OPRM1: variants seen among roughly 807,000 people sequenced by gnomAD.
OPRM1 encodes mu-type opioid receptor.
OPRM1 carries 27 observed loss-of-function variants against 31.8 expected under a neutral mutation model. The observed-to-expected ratio is 0.85, with a 90% CI of 0.63 to 1.17. The LOEUF (loss-of-function observed/expected upper bound fraction) is 1.17, where lower values mean the gene tolerates loss of function less well. Ranked by LOEUF, OPRM1 falls within the 50% of genes most tolerant of loss-of-function variation. The pLI is 0.00. For missense variants in OPRM1, 536 were observed against 511.1 expected (o/e 1.05, Z -0.47); for synonymous variants, 196 against 189.9 (o/e 1.03, Z -0.26).
At chr6:154,174,698 C>T (rs1800161127) in intron 3 of OPRM1, among the ~76,000 whole-genome samples, 1 of 152,166 alleles carries the variant, frequency 6.6e-6, no homozygotes, top group Admixed American at 6.5e-5. Flanking sequence ...TACAAAGAGA[C>T]TTAGACTCTC....
At chr6:154,089,291 A>T (rs1169583211) in intron 1 of OPRM1, among the ~76,000 whole-genome samples, 1 of 152,164 alleles carries the variant, frequency 6.6e-6, no homozygotes, top group African/African-American at 2.4e-5. Context: ...TACAAAAAAA[A>T]AAATTAAAAC....
intron 1 of OPRM1, among the ~76,000 whole-genome samples, chr6:154,075,715 AGCATTTCGAGT>A (rs1259252785): frequency 6.6e-6 from 1 of 152,134 alleles, no homozygotes; most frequent in Non-Finnish European, 1.5e-5. Context: ...GCCTAAAATA[AGCATTTCGAGT>A]GCTCCTATGC....
At chr6:154,069,857 C>T (rs1786268884) in intron 1 of OPRM1, among the ~76,000 whole-genome samples, 1 of 152,190 alleles carries the variant, frequency 6.6e-6, no homozygotes, top group Non-Finnish European at 1.5e-5. Context: ...GTGCCTCTCC[C>T]TCGGCTTGTT....
chr6:154,048,410 A>C (rs943690015), intron 1 of OPRM1, among the ~76,000 whole-genome samples: 1 of 152,190 alleles, frequency 6.6e-6, no homozygotes, highest in African/African-American at 2.4e-5. Flanking sequence ...TACTCCTACA[A>C]CCAATTTCCC....
intron 1 of OPRM1, among the ~76,000 whole-genome samples, chr6:154,078,680 G>T (rs1467091940): frequency 2.0e-5 from 3 of 152,140 alleles, no homozygotes; most frequent in African/African-American, 7.2e-5. Context: ...AGACCAGCCT[G>T]GGCAACATGG....
chr6:154,141,600 T>C (rs1798213562), intron 3 of OPRM1, among the ~76,000 whole-genome samples: 1 of 152,080 alleles, frequency 6.6e-6, no homozygotes, highest in Non-Finnish European at 1.5e-5. Context: ...CAGAGCACAG[T>C]TTGGTTTTAT....
intron 1 of OPRM1, among the ~76,000 whole-genome samples, chr6:154,054,987 G>A (rs572982610): frequency 5.9e-5 from 9 of 152,184 alleles, no homozygotes; most frequent in Non-Finnish European, 1.3e-4. Flanking sequence ...AATCTCATTA[G>A]TTAAACCTTA....
At chr6:154,108,130 C>A in intron 3 of OPRM1, 1 of 579,896 alleles carries the variant, frequency 1.7e-6, no homozygotes, top group East Asian at 3.0e-5. Flanking sequence ...GCGGCACCAT[C>A]GCCTACGGGC....
At chr6:154,082,372 CA>C (rs1789360257) in intron 1 of OPRM1, among the ~76,000 whole-genome samples, 1 of 151,998 alleles carries the variant, frequency 6.6e-6, no homozygotes, top group Non-Finnish European at 1.5e-5. Context: ...TGTACAATGT[CA>C]TTACCAAAAG....
intron 3 of OPRM1, chr6:154,217,594 T>C (rs1477746311): frequency 6.6e-6 from 1 of 152,154 alleles, no homozygotes; most frequent in Non-Finnish European, 1.5e-5. Flanking sequence ...GGTGAGGATA[T>C]AGGAAATCTT....
chr6:154,047,566 A>G (rs1324913296), intron 1 of OPRM1, among the ~76,000 whole-genome samples: 1 of 152,162 alleles, frequency 6.6e-6, no homozygotes, highest in Non-Finnish European at 1.5e-5. Context: ...TGATGCAAAG[A>G]GGTTCCACCA....
chr6:154,084,459 G>A (rs1366827332), intron 1 of OPRM1, among the ~76,000 whole-genome samples: 1 of 151,312 alleles, frequency 6.6e-6, no homozygotes, highest in African/African-American at 2.4e-5. Context: ...AAACGCACCT[G>A]GGATATCAGA....
At chr6:154,048,395 C>T (rs1781566870) in intron 1 of OPRM1, among the ~76,000 whole-genome samples, 1 of 152,106 alleles carries the variant, frequency 6.6e-6, no homozygotes, top group African/African-American at 2.4e-5. Flanking sequence ...ACAGCCTCTC[C>T]AAAGTACTCC....
At chr6:154,104,222 T>C (rs1009624531) in intron 3 of OPRM1, among the ~76,000 whole-genome samples, 1 of 152,216 alleles carries the variant, frequency 6.6e-6, no homozygotes, top group African/African-American at 2.4e-5. Flanking sequence ...CATTCATGAC[T>C]CTTGAGTTTC....
intron 3 of OPRM1, among the ~76,000 whole-genome samples, chr6:154,181,487 T>C (rs1006939996): frequency 5.3e-5 from 8 of 152,238 alleles, no homozygotes; most frequent in African/African-American, 1.9e-4. Context: ...TAAATTTACA[T>C]AGCTATACTA....
intron 3 of OPRM1, among the ~76,000 whole-genome samples, chr6:154,183,179 C>T (rs765543662): frequency 6.6e-6 from 1 of 151,860 alleles, no homozygotes; most frequent in Non-Finnish European, 1.5e-5. Flanking sequence ...CGGGGTTTCA[C>T]TGTGTTAGCA....
At chr6:154,233,798 T>C (rs186443223) in intron 3 of OPRM1, among the ~76,000 whole-genome samples, 2 of 152,190 alleles carry the variant, frequency 1.3e-5, no homozygotes, top group African/African-American at 4.8e-5. Flanking sequence ...TGCATCTCAC[T>C]GTGGGAAAGC....
At position 154,122,187 on chromosome 6, in the gene OPRM1, G is replaced by A. The variant is rs1182171548; in HGVS notation, c.*3466G>A. 6.6e-6 allele frequency among the ~76,000 whole-genome samples: 1 copy of A among 152,084 alleles called. No individual in the cohort carries two copies. Among genetic ancestry groups the A allele is most frequent in the Non-Finnish European group, 1.5e-5 (1 of 68,010 alleles). ...CAAGTTGTGTTTGTACAATTCTTGA[G>A]GTCAATCAGAACCAAAAAATCTGTT... On this transcript the variant is annotated 3_prime_UTR_variant, in exon 4 of 4. Coordinates refer to ENST00000330432, the MANE Select transcript of OPRM1 (RefSeq NM_000914.5).
intron 1 of OPRM1, among the ~76,000 whole-genome samples, chr6:154,013,461 A>C (rs965660073): frequency 1.4e-4 from 21 of 152,294 alleles, no homozygotes; most frequent in African/African-American, 5.1e-4. Context: ...GCATCCAACA[A>C]ATGTTTATGG....
Sources: gnomAD v4.1 joint callset for allele counts (sites outside exome capture counted in the v4.1 genomes callset) on GRCh38, gnomAD v4.1.1 for gene constraint, MANE v1.5 for transcripts, NCBI Gene and HGNC (gene_info 2026-07-23, HGNC 2026-07-21) for gene names.